Variants in RANBP2 observed in about 807,000 individuals in gnomAD.
RANBP2 encodes E3 SUMO-protein ligase RanBP2.
In RANBP2, 57 loss-of-function variants were observed where a neutral mutation model predicts 303.6. That is an observed-to-expected ratio of 0.19 (90% CI 0.15 to 0.23). The LOEUF (loss-of-function observed/expected upper bound fraction) is 0.23. RANBP2 is among the 10% of genes least tolerant of loss of function. The probability of loss-of-function intolerance (pLI) is 1.00; values close to 1 mark genes in which losing one functional copy is unlikely to be tolerated. For missense variants in RANBP2, 3,138 were observed against 3,780.8 expected (o/e 0.83, Z 4.46); for synonymous variants, 1,167 against 1,301.5 (o/e 0.90, Z 2.23).
At chr2:109,151,403 A>G in the RANBP2 span, among the ~76,000 whole-genome samples, 2 of 152,200 alleles carry the variant, frequency 1.3e-5, no homozygotes, top group African/African-American at 2.4e-5. Flanking sequence ...TGATGGTTCA[A>G]ATTCCTAATT....
chr2:109,434,819 A>G, the RANBP2 span, among the ~76,000 whole-genome samples: 1 of 152,318 alleles, frequency 6.6e-6, no homozygotes, highest in South Asian at 2.1e-4. Context: ...CTTGCATACC[A>G]TGTTCATATA....
chr2:109,469,056 G>A, the RANBP2 span, among the ~76,000 whole-genome samples: 2 of 151,806 alleles, frequency 1.3e-5, no homozygotes, highest in Non-Finnish European at 2.9e-5. Context: ...GCAGGGCCAG[G>A]CATGTAAGCT....
the RANBP2 span, among the ~76,000 whole-genome samples, chr2:109,091,350 T>G: frequency 6.6e-6 from 1 of 152,258 alleles, no homozygotes; most frequent in African/African-American, 2.4e-5. Context: ...GTCTCATCAC[T>G]GCTCCCTCTG....
At chr2:108,851,975 C>T in the RANBP2 span, among the ~76,000 whole-genome samples, 1 of 152,176 alleles carries the variant, frequency 6.6e-6, no homozygotes, top group Non-Finnish European at 1.5e-5. Flanking sequence ...CTAATTTAGC[C>T]TCTATCAATT....
At chr2:108,931,743 GT>G in the RANBP2 span, among the ~76,000 whole-genome samples, 2 of 150,674 alleles carry the variant, frequency 1.3e-5, no homozygotes, top group Non-Finnish European at 3.0e-5. Context: ...TTTTTTGCTT[GT>G]TTTTTCACTT....
the RANBP2 span, among the ~76,000 whole-genome samples, chr2:109,170,279 CTTCTCTTCTCT>C: frequency 8.0e-6 from 1 of 124,890 alleles, no homozygotes; most frequent in Non-Finnish European, 1.7e-5. Context: ...CTTCTCTTCT[CTTCTCTTCTCT>C]TCTCTTCTCT....
the RANBP2 span, among the ~76,000 whole-genome samples, chr2:109,392,458 TG>T: frequency 6.6e-6 from 1 of 151,944 alleles, no homozygotes; most frequent in African/African-American, 2.4e-5. Flanking sequence ...TGGGCACATG[TG>T]GGGATGAAGG....
At chr2:108,917,979 GA>G in the RANBP2 span, among the ~76,000 whole-genome samples, 1 of 152,106 alleles carries the variant, frequency 6.6e-6, no homozygotes, top group Non-Finnish European at 1.5e-5. Flanking sequence ...CTAAATGCTT[GA>G]AAAAAATCCA....
chr2:109,458,673 G>T, the RANBP2 span, among the ~76,000 whole-genome samples: 2 of 152,044 alleles, frequency 1.3e-5, no homozygotes, highest in Non-Finnish European at 2.9e-5. Flanking sequence ...AGCCCAGCAG[G>T]CTGGACCCTC....
the RANBP2 span, among the ~76,000 whole-genome samples, chr2:109,092,122 T>C: frequency 1.3e-5 from 2 of 152,200 alleles, no homozygotes; most frequent in Non-Finnish European, 2.9e-5. Flanking sequence ...TTTTTGTGTG[T>C]GTCTGTGTAT....
the RANBP2 span, among the ~76,000 whole-genome samples, chr2:109,277,233 G>A: frequency 1.3e-5 from 2 of 152,164 alleles, no homozygotes; most frequent in African/African-American, 4.8e-5. Context: ...CATTTCGGAT[G>A]TGTCACACTT....
chr2:108,847,363 A>G, the RANBP2 span, among the ~76,000 whole-genome samples: 1 of 152,194 alleles, frequency 6.6e-6, no homozygotes, highest in Non-Finnish European at 1.5e-5. Context: ...CCCTACAGTG[A>G]CAGAGTTGAG....
At chr2:109,564,473 C>T in the RANBP2 span, 2 of 1,584,978 alleles carry the variant, frequency 1.3e-6, no homozygotes, top group African/African-American at 1.3e-5. Context: ...GCAGGTCCTC[C>T]ATATTTGTAC....
chr2:109,045,725 C>G, the RANBP2 span, among the ~76,000 whole-genome samples: 1 of 152,042 alleles, frequency 6.6e-6, no homozygotes, highest in Non-Finnish European at 1.5e-5. Flanking sequence ...TTACTTTTAA[C>G]TTTTTATTAC....
the RANBP2 span, among the ~76,000 whole-genome samples, chr2:109,301,756 A>G: frequency 6.6e-6 from 1 of 152,174 alleles, no homozygotes; most frequent in Non-Finnish European, 1.5e-5. Flanking sequence ...CTGGCCTTGC[A>G]CTTTCCTACC....
chr2:108,842,017 GT>G, the RANBP2 span, among the ~76,000 whole-genome samples: 1 of 151,858 alleles, frequency 6.6e-6, no homozygotes, highest in Admixed American at 6.6e-5. Flanking sequence ...GAAGTAAAGG[GT>G]TTTTCTTGTT....
At chr2:108,974,929 G>T in the RANBP2 span, among the ~76,000 whole-genome samples, 1 of 152,240 alleles carries the variant, frequency 6.6e-6, no homozygotes, top group Middle Eastern at 3.4e-3. Flanking sequence ...GGTGTGCAGG[G>T]CTCTGGTGGA....
chr2:109,495,389 TGGCAGTATCAAGTATCGTA>T, the RANBP2 span, among the ~76,000 whole-genome samples: 1 of 151,728 alleles, frequency 6.6e-6, no homozygotes, highest in South Asian at 2.1e-4. Flanking sequence ...TTCTGCACCT[TGGCAGTATCAAGTATCGTA>T]GAGAGGCTTT....
chr2:109,747,423 A>G, the RANBP2 span, among the ~76,000 whole-genome samples: 2 of 147,654 alleles, frequency 1.4e-5, no homozygotes, highest in Non-Finnish European at 3.0e-5. Flanking sequence ...CGACTCTAAA[A>G]AATGTTTTTT....
Sources: gnomAD v4.1 joint callset for allele counts (sites outside exome capture counted in the v4.1 genomes callset) on GRCh38, gnomAD v4.1.1 for gene constraint, MANE v1.5 for transcripts, NCBI Gene and HGNC (gene_info 2026-07-23, HGNC 2026-07-21) for gene names.